The following JOSD1 variants were observed in gnomAD, a reference collection of about 807,000 sequenced individuals.
The protein encoded by JOSD1 is Josephin domain containing 1.
A neutral mutation model predicts 24.3 loss-of-function variants in JOSD1; 11 were observed. The observed-to-expected ratio is 0.45, with a 90% CI of 0.29 to 0.75. The LOEUF (loss-of-function observed/expected upper bound fraction) is 0.75, where lower values mean the gene tolerates loss of function less well. Ranked by LOEUF, JOSD1 falls within the 30% of genes least tolerant of loss-of-function variation. The pLI is 0.11. For synonymous variants in JOSD1, 106 were observed against 93.8 expected (o/e 1.13, Z -0.75); for missense variants, 184 against 253.5 (o/e 0.73, Z 1.86).
intron 2 of JOSD1, among the ~76,000 whole-genome samples, chr22:38,693,573 G>A (rs1228096854): frequency 6.6e-6 from 1 of 152,134 alleles, no homozygotes; most frequent in Non-Finnish European, 1.5e-5. Flanking sequence ...GTGCACTTTA[G>A]GCACCATGAT....
chr22:38,697,058 A>C (rs188433433), intron 2 of JOSD1, among the ~76,000 whole-genome samples: 27 of 152,326 alleles, frequency 1.8e-4, no homozygotes, highest in African/African-American at 6.5e-4. Context: ...ACTTAAATCT[A>C]GTCTCAAGGC....
chr22:38,699,662 T>A (rs2092559355), intron 2 of JOSD1, 141 bp downstream of exon 2: 1 of 765,676 alleles, frequency 1.3e-6, no homozygotes, highest in Non-Finnish European at 2.2e-6. Flanking sequence ...GATTATCTTT[T>A]CATGTCTTGT....
At position 38,700,242 on chromosome 22, in the gene JOSD1, TA is replaced by T. The variant is rs1409110554; in HGVS notation, c.-256del. On this transcript the variant is annotated 5_prime_UTR_variant, in exon 2 of 5. It introduces an in-frame stop codon into an upstream open reading frame of the 5' UTR. Coordinates refer to ENST00000683374, the MANE Select transcript of JOSD1 (RefSeq NM_001360236.2). Reference sequence around the variant, plus strand: ...GCTACCACTGTCAAAGTGCAGAATTTAAAAAAACACATAAAATGTAAGACCT... The same window carrying T: ...GCTACCACTGTCAAAGTGCAGAATTTAAAAAACACATAAAATGTAAGACCT... The T allele has an allele frequency of 5.1e-6, 6 of 1,166,376 alleles. No homozygotes were observed. In the Admixed American group the frequency reaches 2.1e-4, roughly 41 times the overall value. 72.3% of individuals were successfully genotyped at this position (1,166,376 alleles called of 1,614,324 possible). A position where few individuals can be genotyped will look rare whatever the true frequency, so the allele number is the denominator to read the frequency against.
rs1323444821 is a variant in JOSD1 at position 38,700,362 on chromosome 22, G to A, written c.-375C>T. On this transcript the variant is annotated 5_prime_UTR_variant, in exon 2 of 5. Coordinates refer to ENST00000683374, the MANE Select transcript of JOSD1 (RefSeq NM_001360236.2). Reference sequence around the variant, plus strand: ...TCTGCAAATGCCAGGCCTCAAAGCAGGAGGACCGAACACAATCGGTCACAT... The same window carrying A: ...TCTGCAAATGCCAGGCCTCAAAGCAAGAGGACCGAACACAATCGGTCACAT... The A allele has an allele frequency of 4.5e-5, 45 of 993,988 alleles. No individual in the cohort carries two copies. The highest frequency in any genetic ancestry group is 5.2e-5 in the Non-Finnish European group (44 of 839,114). 61.6% of individuals were successfully genotyped at this position (993,988 alleles called of 1,614,324 possible).
At chr22:38,697,294 A>G (rs2092549885) in intron 2 of JOSD1, among the ~76,000 whole-genome samples, 1 of 152,356 alleles carries the variant, frequency 6.6e-6, no homozygotes, top group South Asian at 2.1e-4. Context: ...CTTTCAATAT[A>G]AAATACTCTA....
At chr22:38,701,146 G>A, upstream of JOSD1, 1 of 250,270 alleles carries the variant, frequency 4.0e-6, no homozygotes, top group Non-Finnish European at 6.3e-6. Context: ...GTGTTGCAAA[G>A]GCCGTGGGTG....
In JOSD1 at chr22:38,700,897, C is replaced by T. The variant is rs1434462952; in HGVS notation, c.-729G>A. On this transcript the variant is annotated 5_prime_UTR_variant, in exon 1 of 5. Coordinates refer to ENST00000683374, the MANE Select transcript of JOSD1 (RefSeq NM_001360236.2). ...CCGGGACTGCTCGCCGCTGGCGGTCCCCTCACCGCAGCCGGCCGCCACCTG... is the reference window on the plus strand; with the variant it reads ...CCGGGACTGCTCGCCGCTGGCGGTCTCCTCACCGCAGCCGGCCGCCACCTG... The T allele has an allele frequency of 2.0e-6, 2 of 984,498 alleles. No homozygotes were observed. Among genetic ancestry groups the T allele is most frequent in the Non-Finnish European group, 2.4e-6 (2 of 829,632 alleles). The allele number at this position is 984,498 out of a possible 1,614,324, so 61.0% of individuals were successfully genotyped here.
intron 2 of JOSD1, among the ~76,000 whole-genome samples, chr22:38,696,680 A>G (rs2092547569): frequency 6.6e-6 from 1 of 152,246 alleles, no homozygotes; most frequent in South Asian, 2.1e-4. Context: ...CTTTTTGCAG[A>G]TGTTACCACT....
intron 2 of JOSD1, among the ~76,000 whole-genome samples, chr22:38,690,029 A>C (rs531209280): frequency 6.6e-6 from 1 of 152,120 alleles, no homozygotes; most frequent in Admixed American, 6.6e-5. Context: ...ACTCAGCTGC[A>C]GCACTGGTTT....
chr22:38,698,441 T>G (rs2092554151), intron 2 of JOSD1, among the ~76,000 whole-genome samples: 2 of 152,242 alleles, frequency 1.3e-5, no homozygotes, highest in Admixed American at 1.3e-4. Context: ...TCCATACCTG[T>G]GTTTTACAAA....
chr22:38,696,240 C>A (rs769439543), intron 2 of JOSD1, among the ~76,000 whole-genome samples: 1 of 151,312 alleles, frequency 6.6e-6, no homozygotes, highest in East Asian at 1.9e-4. Context: ...TTATACCCCC[C>A]CTTTTTTTTT....
At chr22:38,692,781 CAAAAAAA>C (rs61214432) in intron 2 of JOSD1, among the ~76,000 whole-genome samples, 101 of 45,016 alleles carry the variant, frequency 2.2e-3, no homozygotes, top group Non-Finnish European at 3.7e-3. Context: ...AACTCTGTCT[CAAAAAAA>C]AAAAAAAAAA....
At chr22:38,695,444 GTTTT>G (rs536648160) in intron 2 of JOSD1, among the ~76,000 whole-genome samples, 8 of 114,744 alleles carry the variant, frequency 7.0e-5, no homozygotes, top group Non-Finnish European at 1.1e-4. Flanking sequence ...TTTTTGCCTA[GTTTT>G]TTTTTTTTTT....
rs920268006 is a variant in JOSD1 at position 38,687,767 on chromosome 22, T to C, written c.*135A>G. 8 of 650,564 alleles carry C rather than the reference T, an allele frequency of 1.2e-5. No individual in the cohort carries two copies. The highest frequency in any genetic ancestry group is 2.6e-5 in the Admixed American group (1 of 37,778). The allele number at this position is 650,564 out of a possible 1,614,324, so 40.3% of individuals were successfully genotyped here. A position where few individuals can be genotyped will look rare whatever the true frequency, so the allele number is the denominator to read the frequency against. ...TATAACAGTCCACACGTCTGTCCTA[T>C]TGCACTGTCAGATCTGAAGGGGAAA... On this transcript the variant is annotated 3_prime_UTR_variant, in exon 5 of 5. Transcript: ENST00000683374.
In JOSD1 at chr22:38,689,116, T is replaced by C. The variant is rs1417623557; in HGVS notation, c.328A>G (p.Ile110Val). The change falls in exon 4 of 5, where the codon ATT becomes GTT. Residue 110 changes from isoleucine (I) to valine (V), a missense_variant. Coordinates refer to ENST00000683374, the MANE Select transcript of JOSD1 (RefSeq NM_001360236.2). ...WWDKRRDVGV[I>V]ALTNVMGFIM... The stretch of plus-strand genomic sequence containing the variant: ...AAGCCCATGACGTTAGTGAGGGCAA[T>C]GACACCGACATCCCTGCAGGGGAGA... 1.2e-6 allele frequency: 2 copies of C among 1,613,792 alleles called. No homozygotes were observed. The highest frequency in any genetic ancestry group is 2.2e-5 in the East Asian group (1 of 44,870).
Position 38,700,917 on chromosome 22 carries a change from C to A in JOSD1, c.-749G>T, listed in dbSNP as rs1438456093. 1.0e-6 allele frequency: 1 copy of A among 984,498 alleles called. No individual in the cohort carries two copies. Among genetic ancestry groups the A allele is most frequent in the African/African-American group, 1.8e-5 (1 of 57,136 alleles). 61.0% of individuals were successfully genotyped at this position (984,498 alleles called of 1,614,324 possible). On this transcript the variant is annotated 5_prime_UTR_variant, in exon 1 of 5. Coordinates refer to ENST00000683374, the MANE Select transcript of JOSD1 (RefSeq NM_001360236.2). Reference sequence around the variant, plus strand: ...CGGTCCCCTCACCGCAGCCGGCCGCCACCTGGAGTGCGCGCCGCCAACTGG... The same window carrying A: ...CGGTCCCCTCACCGCAGCCGGCCGCAACCTGGAGTGCGCGCCGCCAACTGG...
In JOSD1 at chr22:38,693,693, T is replaced by C. The variant is rs562966405; in HGVS notation, c.186-4269A>G. On this transcript the variant is annotated intron_variant, in intron 2 of 4. Coordinates refer to ENST00000683374, the MANE Select transcript of JOSD1 (RefSeq NM_001360236.2). ...CTCCTGGGCTCAACTGATTCTCCTG[T>C]CTCAGCCTCCCTCTTGAGCCACTGT... Among the ~76,000 whole-genome samples, 338 of 152,294 alleles carry C rather than the reference T, an allele frequency of 2.2e-3. 1 individual carries two copies. Among genetic ancestry groups the C allele is most frequent in the Non-Finnish European group, 3.9e-3 (267 of 68,014 alleles).
Position 38,700,565 on chromosome 22 carries a change from CCGCAGGGCGCGGCTCCCT to C in JOSD1, c.-596_-579del. The C allele has an allele frequency of 7.1e-6, 7 of 985,548 alleles. No homozygotes were observed. The highest frequency in any genetic ancestry group is 8.4e-6 in the Non-Finnish European group (7 of 830,006). 61.1% of individuals were successfully genotyped at this position (985,548 alleles called of 1,614,324 possible). On this transcript the variant is annotated 5_prime_UTR_variant, in exon 2 of 5. Coordinates refer to ENST00000683374, the MANE Select transcript of JOSD1 (RefSeq NM_001360236.2). ...TCCATCCCCTCGGGTACGGTGGGGC[CCGCAGGGCGCGGCTCCCT>C]CGGAAGGCGCGGATTCTAGCCCTCT...
chr22:38,687,649 G>A lies in JOSD1; in HGVS notation c.*253C>T. ...CCCTCCCCGCTCCACTTTCTCCTCT[G>A]TCTCTTAAATAAAACAAGGGTTTGT... On this transcript the variant is annotated 3_prime_UTR_variant, in exon 5 of 5. Coordinates refer to ENST00000683374, the MANE Select transcript of JOSD1 (RefSeq NM_001360236.2). 1 of 448,032 alleles carries A rather than the reference G, an allele frequency of 2.2e-6. No individual in the cohort carries two copies. 27.8% of individuals were successfully genotyped at this position (448,032 alleles called of 1,614,324 possible).
Sources: allele counts gnomAD v4.1 joint callset (sites outside exome capture counted in the v4.1 genomes callset), GRCh38; gene constraint gnomAD v4.1.1; transcripts MANE v1.5; gene names NCBI Gene and HGNC (gene_info 2026-07-23, HGNC 2026-07-21).